ACTN1: variants seen among roughly 807,000 people sequenced by gnomAD.
ACTN1 encodes actinin alpha 1.
A neutral mutation model predicts 119.6 loss-of-function variants in ACTN1; 30 were observed. The ratio of observed to expected loss-of-function variants is 0.25; its 90% CI spans 0.19 to 0.34. The LOEUF is 0.34. Among genes scored for constraint, ACTN1 ranks in the 10% least tolerant of loss-of-function variants. The pLI, the probability that ACTN1 is intolerant of heterozygous loss-of-function variation, is 1.00. For synonymous variants in ACTN1, 429 were observed against 472.6 expected, an observed-to-expected ratio of 0.91 and a Z score of 1.20; for missense variants, 764 against 1,223.4, an observed-to-expected ratio of 0.62 and a Z score of 5.60.
chr14:68,920,365 T>G (rs2034569600), intron 3 of ACTN1, among the ~76,000 whole-genome samples: 1 of 152,162 alleles, frequency 6.6e-6, no homozygotes, highest in Non-Finnish European at 1.5e-5. Context: ...GTCACAGGAC[T>G]GAAGGGGCCT....
At chr14:68,978,866 C>T in intron 1 of ACTN1, 86 bp downstream of exon 1, 3 of 957,612 alleles carry the variant, frequency 3.1e-6, no homozygotes, top group South Asian at 3.4e-5. Context: ...CGGTTCAGAG[C>T]CCGGAGCCGA....
chr14:68,958,096 C>T (rs1165291866), intron 1 of ACTN1, among the ~76,000 whole-genome samples: 1 of 152,206 alleles, frequency 6.6e-6, no homozygotes, highest in Non-Finnish European at 1.5e-5. Context: ...CAGGTGGTAG[C>T]TGTTGAGGAA....
intron 1 of ACTN1, among the ~76,000 whole-genome samples, chr14:68,962,444 G>A (rs1315414932): frequency 6.6e-6 from 1 of 152,168 alleles, no homozygotes; most frequent in Admixed American, 6.5e-5. Flanking sequence ...ATTTGCCTGT[G>A]CCCACAGGTC....
At chr14:68,895,114 A>G (rs1371161911) in intron 8 of ACTN1, among the ~76,000 whole-genome samples, 2 of 152,126 alleles carry the variant, frequency 1.3e-5, no homozygotes, top group Non-Finnish European at 2.9e-5. Flanking sequence ...CATGACCTGC[A>G]GAGCAAGGTG....
intron 1 of ACTN1, among the ~76,000 whole-genome samples, chr14:68,961,767 G>A (rs1235510132): frequency 6.6e-6 from 1 of 152,204 alleles, no homozygotes; most frequent in Non-Finnish European, 1.5e-5. Context: ...GAGGAGGCAG[G>A]AGCCATGACC....
chr14:68,912,085 G>A, intron 4 of ACTN1, 71 bp downstream of exon 4: 1 of 1,444,026 alleles, frequency 6.9e-7, no homozygotes. Context: ...CTGGGTATGG[G>A]AGTTCTCCAG....
intron 3 of ACTN1, among the ~76,000 whole-genome samples, chr14:68,919,789 G>T (rs1429534068): frequency 6.6e-6 from 1 of 152,198 alleles, no homozygotes; most frequent in East Asian, 1.9e-4. Context: ...AAGCTCTGTA[G>T]CAACTACTCA....
intron 8 of ACTN1, among the ~76,000 whole-genome samples, chr14:68,895,459 G>A (rs2032804195): frequency 6.6e-6 from 1 of 152,154 alleles, no homozygotes; most frequent in Non-Finnish European, 1.5e-5. Context: ...TGGGAACCAG[G>A]CCAGCAGCCT....
At chr14:68,914,525 G>A (rs1464989208) in intron 3 of ACTN1, among the ~76,000 whole-genome samples, 2 of 152,100 alleles carry the variant, frequency 1.3e-5, no homozygotes, top group African/African-American at 4.8e-5. Context: ...TAGCACTTTG[G>A]GAGGCCAAGG....
At chr14:68,938,144 A>G (rs1373511037) in intron 1 of ACTN1, among the ~76,000 whole-genome samples, 1 of 152,184 alleles carries the variant, frequency 6.6e-6, no homozygotes, top group Non-Finnish European at 1.5e-5. Context: ...CAGCCCTTCA[A>G]AGCCAGCCGT....
In ACTN1 at chr14:68,908,599, T is replaced by C. The variant is rs901001206; in HGVS notation, c.594+719A>G. Among the ~76,000 whole-genome samples the C allele has an allele frequency of 3.9e-5, 6 of 152,082 alleles. No homozygotes were observed. In the East Asian group the frequency reaches 5.8e-4, roughly 15 times the overall value. ...GCCATGTGGCCTCTTGGCACCAAGATGGACCAAGAGGGAACCTGGAGAGTG... is the reference window on the plus strand; with the variant it reads ...GCCATGTGGCCTCTTGGCACCAAGACGGACCAAGAGGGAACCTGGAGAGTG... On this transcript the variant is annotated intron_variant, in intron 6 of 21. Coordinates refer to ENST00000394419, the MANE Select transcript of ACTN1 (RefSeq NM_001130004.2).
At chr14:68,934,721 A>T (rs1190521394) in intron 1 of ACTN1, among the ~76,000 whole-genome samples, 1 of 152,256 alleles carries the variant, frequency 6.6e-6, no homozygotes, top group Non-Finnish European at 1.5e-5. Context: ...TTAATAAGGT[A>T]TTAGGTTAAG....
intron 3 of ACTN1, among the ~76,000 whole-genome samples, chr14:68,919,045 T>C (rs2034497736): frequency 6.6e-6 from 1 of 152,240 alleles, no homozygotes; most frequent in Non-Finnish European, 1.5e-5. Context: ...GAGCGGGTAC[T>C]CGGTGAGTGC....
chr14:68,910,335 T>C (rs1333735332), intron 4 of ACTN1, among the ~76,000 whole-genome samples: 1 of 152,100 alleles, frequency 6.6e-6, no homozygotes, highest in African/African-American at 2.4e-5. Context: ...TTCAAAGAAA[T>C]GGTAATGATA....
chr14:68,894,345 T>C (rs2032722134), intron 8 of ACTN1, among the ~76,000 whole-genome samples: 1 of 152,152 alleles, frequency 6.6e-6, no homozygotes, highest in South Asian at 2.1e-4. Flanking sequence ...ATCAACCAAG[T>C]ATGGGCTCAA....
intron 1 of ACTN1, among the ~76,000 whole-genome samples, chr14:68,939,189 G>A (rs761179218): frequency 6.6e-6 from 1 of 152,194 alleles, no homozygotes; most frequent in Non-Finnish European, 1.5e-5. Context: ...AGAAATCAGA[G>A]CCACTTTAAA....
intron 1 of ACTN1, among the ~76,000 whole-genome samples, chr14:68,945,805 C>A (rs2035926214): frequency 6.6e-6 from 1 of 152,218 alleles, no homozygotes; most frequent in African/African-American, 2.4e-5. Context: ...CTGTTCACAG[C>A]AGTCCCCAAA....
chr14:68,944,405 G>A (rs2035862866), intron 1 of ACTN1, among the ~76,000 whole-genome samples: 2 of 152,216 alleles, frequency 1.3e-5, no homozygotes, highest in Admixed American at 1.3e-4. Context: ...TCCCCTGCCA[G>A]ACAGCTGCAG....
At chr14:68,887,661 CCTT>C (rs367724633) in intron 11 of ACTN1, 29,194 of 1,231,244 alleles carry the variant, frequency 0.024, 612 homozygotes, top group South Asian at 0.057. Context: ...GGGATACCCT[CCTT>C]CTTAAAAATG....
Sources: allele counts gnomAD v4.1 joint callset (sites outside exome capture counted in the v4.1 genomes callset), GRCh38; gene constraint gnomAD v4.1.1; transcripts MANE v1.5; gene names NCBI Gene and HGNC (gene_info 2026-07-23, HGNC 2026-07-21).